Variants in KCNMA1 observed in about 807,000 individuals in gnomAD.
KCNMA1 encodes Calcium-activated potassium channel subunit alpha-1.
A neutral mutation model predicts 140.0 loss-of-function variants in KCNMA1; 29 were observed. The ratio of observed to expected loss-of-function variants is 0.21; its 90% CI spans 0.15 to 0.28. The LOEUF is 0.28. KCNMA1 is among the 10% of genes least tolerant of loss of function. KCNMA1 has a pLI of 1.00. For missense variants in KCNMA1, 880 were observed against 1,602.2 expected (o/e 0.55, Z 7.70); for synonymous variants, 612 against 611.9 (o/e 1.00, Z 0.00).
intron 2 of KCNMA1, among the ~76,000 whole-genome samples, chr10:77,306,022 T>C (rs1460662772): frequency 1.3e-5 from 2 of 152,312 alleles, no homozygotes; most frequent in East Asian, 3.9e-4. Flanking sequence ...AACCTAAAGA[T>C]GTCTGGGGCT....
At chr10:76,883,705 C>G (rs2035557173), downstream of KCNMA1, among the ~76,000 whole-genome samples, 1 of 146,750 alleles carries the variant, frequency 6.8e-6, no homozygotes, top group African/African-American at 2.5e-5. Context: ...CTCTCACTTT[C>G]TACCCTTACT....
At chr10:77,064,241 C>A in intron 14 of KCNMA1, 2 of 329,082 alleles carry the variant, frequency 6.1e-6, no homozygotes, top group Non-Finnish European at 8.7e-6. Context: ...TTACACAAAT[C>A]ATTTTGCTGC....
At chr10:77,553,860 T>C (rs1432045876) in intron 1 of KCNMA1, among the ~76,000 whole-genome samples, 2 of 152,186 alleles carry the variant, frequency 1.3e-5, no homozygotes, top group Non-Finnish European at 2.9e-5. Flanking sequence ...TAAACAGACA[T>C]GGTTCTAAAA....
chr10:77,311,542 C>T (rs1016057915), intron 2 of KCNMA1, among the ~76,000 whole-genome samples: 1 of 152,122 alleles, frequency 6.6e-6, no homozygotes, highest in African/African-American at 2.4e-5. Context: ...CTCTCAGTGA[C>T]CTTGGACAAG....
At chr10:77,572,259 A>G (rs942354241) in intron 1 of KCNMA1, among the ~76,000 whole-genome samples, 1 of 152,020 alleles carries the variant, frequency 6.6e-6, no homozygotes, top group South Asian at 2.1e-4. Flanking sequence ...TACAATTCAG[A>G]ATTTTAAAAA....
chr10:77,047,847 CA>C (rs751238875), intron 14 of KCNMA1, among the ~76,000 whole-genome samples: 74 of 152,132 alleles, frequency 4.9e-4, no homozygotes, highest in Non-Finnish European at 9.8e-4. Flanking sequence ...TAAATGTTTT[CA>C]GTCAGACGTC....
At position 77,457,212 on chromosome 10, in the gene KCNMA1, G is replaced by A. The variant is rs77811991; in HGVS notation, c.379-53189C>T. Among the ~76,000 whole-genome samples, 116 of 152,088 alleles carry A rather than the reference G, an allele frequency of 7.6e-4. 1 individual carries two copies. The East Asian group carries it at 0.02, about 26-fold the overall frequency. ...CTCTGAGACCCAGTCTTTACCCCTC[G>A]TCTGTAGACTGTGGACTACACTCCC... is the stretch of plus-strand genomic sequence containing the variant. On this transcript the variant is annotated intron_variant, in intron 1 of 27. Coordinates refer to ENST00000286628, the MANE Select transcript of KCNMA1 (RefSeq NM_001161352.2).
Position 77,049,006 on chromosome 10 carries a change from C to T in KCNMA1, c.1750-9369G>A, listed in dbSNP as rs553661773. Among the ~76,000 whole-genome samples the T allele has an allele frequency of 2.0e-5, 3 of 152,198 alleles. No individual in the cohort carries two copies. The South Asian group carries it at 6.3e-4, about 32-fold the overall frequency. Reference sequence around the variant, plus strand: ...GTCTCGATCTCCTGACCTGGAGATCCACCCGCCTCGGCCTCCCAAAGTGCT... The same window carrying T: ...GTCTCGATCTCCTGACCTGGAGATCTACCCGCCTCGGCCTCCCAAAGTGCT... On this transcript the variant is annotated intron_variant, in intron 14 of 27. Transcript: ENST00000286628.
At chr10:77,239,068 A>G (rs115612267) in intron 3 of KCNMA1, among the ~76,000 whole-genome samples, 3,876 of 152,282 alleles carry the variant, frequency 0.025, 73 homozygotes, top group East Asian at 0.038. Flanking sequence ...GTACCTGATA[A>G]CAGATTGTAC....
At chr10:77,461,367 A>G (rs1427600887) in intron 1 of KCNMA1, among the ~76,000 whole-genome samples, 4 of 152,028 alleles carry the variant, frequency 2.6e-5, no homozygotes, top group African/African-American at 9.7e-5. Context: ...TTCGCTGTAG[A>G]ATTTCATTGT....
At chr10:77,576,650 C>T (rs2074222430) in intron 1 of KCNMA1, among the ~76,000 whole-genome samples, 1 of 152,208 alleles carries the variant, frequency 6.6e-6, no homozygotes, top group Non-Finnish European at 1.5e-5. Flanking sequence ...TGCAAGAAAG[C>T]TCACCATGGG....
intron 1 of KCNMA1, among the ~76,000 whole-genome samples, chr10:77,441,125 G>T (rs1438696987): frequency 6.6e-6 from 1 of 152,068 alleles, no homozygotes; most frequent in African/African-American, 2.4e-5. Context: ...GCCCGGCCAA[G>T]AATCAAAATT....
At chr10:77,315,649 A>T (rs1416248031) in intron 2 of KCNMA1, 1 of 152,222 alleles carries the variant, frequency 6.6e-6, no homozygotes, top group Non-Finnish European at 1.5e-5. Context: ...AGCTGTTCAT[A>T]TGACATGGTT....
intron 2 of KCNMA1, among the ~76,000 whole-genome samples, chr10:77,341,224 G>A (rs2090849627): frequency 6.6e-6 from 1 of 152,188 alleles, no homozygotes; most frequent in African/African-American, 2.4e-5. Flanking sequence ...GATTAAATGA[G>A]ATATATCACA....
At chr10:77,430,179 G>A (rs1270826581) in intron 1 of KCNMA1, among the ~76,000 whole-genome samples, 1 of 152,160 alleles carries the variant, frequency 6.6e-6, no homozygotes, top group African/African-American at 2.4e-5. Context: ...ATCTCCCCAG[G>A]TAGCCTCTCT....
At chr10:77,065,071 A>G (rs954476940) in intron 14 of KCNMA1, among the ~76,000 whole-genome samples, 1 of 152,336 alleles carries the variant, frequency 6.6e-6, no homozygotes, top group African/African-American at 2.4e-5. Flanking sequence ...AGCTGTCTGT[A>G]ATACAGGCTG....
intron 3 of KCNMA1, among the ~76,000 whole-genome samples, chr10:77,239,449 G>C (rs550091131): frequency 1.3e-5 from 2 of 152,288 alleles, no homozygotes; most frequent in South Asian, 4.1e-4. Context: ...CTGCATGGGT[G>C]TGATGAGCAA....
intron 1 of KCNMA1, among the ~76,000 whole-genome samples, chr10:77,627,563 A>G (rs543808066): frequency 6.6e-6 from 1 of 152,332 alleles, no homozygotes; most frequent in South Asian, 2.1e-4. Context: ...GGAGAAAAAT[A>G]AAGTGGCCTT....
At chr10:76,890,569 A>T (rs2039536558) in intron 26 of KCNMA1, among the ~76,000 whole-genome samples, 1 of 152,252 alleles carries the variant, frequency 6.6e-6, no homozygotes, top group Non-Finnish European at 1.5e-5. Context: ...AAACTAAAAT[A>T]TGGGGAAAGT....
Sources: gnomAD v4.1 joint callset for allele counts (sites outside exome capture counted in the v4.1 genomes callset) on GRCh38, gnomAD v4.1.1 for gene constraint, MANE v1.5 for transcripts, NCBI Gene and HGNC (gene_info 2026-07-23, HGNC 2026-07-21) for gene names.